The following CPVL variants were observed in gnomAD, a reference collection of about 807,000 sequenced individuals.
CPVL encodes probable serine carboxypeptidase CPVL.
A neutral mutation model predicts 63.7 loss-of-function variants in CPVL; 51 were observed. The observed-to-expected ratio is 0.80, with a 90% CI of 0.64 to 1.01. The LOEUF (loss-of-function observed/expected upper bound fraction) is 1.01. Among genes scored for constraint, CPVL ranks in the 50% least tolerant of loss-of-function variants. CPVL has a pLI of 0.00. For missense variants in CPVL, 530 were observed against 573.1 expected, an observed-to-expected ratio of 0.92 and a Z score of 0.77; for synonymous variants, 195 against 206.0, an observed-to-expected ratio of 0.95 and a Z score of 0.46.
intron 12 of CPVL, among the ~76,000 whole-genome samples, chr7:29,015,209 T>C (rs557907866): frequency 1.2e-3 from 182 of 152,322 alleles, no homozygotes; most frequent in Admixed American, 2.2e-3. Flanking sequence ...GAACAAGTAT[T>C]CTATGGTGGT....
chr7:29,136,059 A>G (rs948228972), intron 1 of CPVL, among the ~76,000 whole-genome samples: 2 of 152,220 alleles, frequency 1.3e-5, no homozygotes, highest in Admixed American at 6.5e-5. Flanking sequence ...CTAGGACTGA[A>G]GAGGGGAAGT....
At chr7:29,083,286 T>A (rs184830174) in intron 7 of CPVL, among the ~76,000 whole-genome samples, 1 of 152,250 alleles carries the variant, frequency 6.6e-6, no homozygotes, top group Non-Finnish European at 1.5e-5. Context: ...TCCTCTGGCA[T>A]CATCACTTGG....
At chr7:29,097,292 T>C (rs984708772) in intron 3 of CPVL, among the ~76,000 whole-genome samples, 2 of 152,258 alleles carry the variant, frequency 1.3e-5, no homozygotes, top group African/African-American at 2.4e-5. Context: ...GCACCCATTA[T>C]GGGCCAGGCA....
intron 9 of CPVL, among the ~76,000 whole-genome samples, chr7:29,069,770 ATGTGTGTGTG>A (rs70977102): frequency 0.075 from 9,864 of 132,162 alleles, 424 homozygotes; most frequent in African/African-American, 0.13. Context: ...TCACCAGTAA[ATGTGTGTGTG>A]TGTGTGTGTG....
At chr7:29,003,581 C>A (rs1784878017) in intron 12 of CPVL, among the ~76,000 whole-genome samples, 1 of 152,096 alleles carries the variant, frequency 6.6e-6, no homozygotes, top group South Asian at 2.1e-4. Context: ...TAAGGAGTAT[C>A]AATAATTAAT....
intron 1 of CPVL, among the ~76,000 whole-genome samples, chr7:29,135,791 C>A (rs753194922): frequency 6.6e-6 from 1 of 152,198 alleles, no homozygotes; most frequent in Non-Finnish European, 1.5e-5. Context: ...TTCTAGCTTG[C>A]AGGCTCAAGC....
chr7:29,111,043 T>C (rs1368347374), intron 3 of CPVL, among the ~76,000 whole-genome samples: 2 of 152,234 alleles, frequency 1.3e-5, no homozygotes, highest in African/African-American at 4.8e-5. Flanking sequence ...CTACTGGTCC[T>C]TGATTTCAGC....
Position 28,999,289 on chromosome 7 carries a change from C to T in CPVL, c.1321-3407G>A, listed in dbSNP as rs1054915039. 4.6e-5 allele frequency among the ~76,000 whole-genome samples: 7 copies of T among 152,148 alleles called. No homozygotes were observed. In the East Asian group the frequency reaches 1.2e-3, roughly 25 times the overall value. On this transcript the variant is annotated intron_variant, in intron 12 of 12. Transcript: ENST00000265394. ...AATACCTGAGCTCATTAAAAGAGAT[C>T]GTGAGGCATCACCTCCAGACTTTCC...
chr7:29,111,974 C>T (rs1394931363), intron 3 of CPVL, among the ~76,000 whole-genome samples: 1 of 152,220 alleles, frequency 6.6e-6, no homozygotes, highest in African/African-American at 2.4e-5. Context: ...TCCAGCAATA[C>T]CCGCAACAGC....
chr7:29,022,401 T>C (rs1342707490), intron 12 of CPVL, among the ~76,000 whole-genome samples: 1 of 152,074 alleles, frequency 6.6e-6, no homozygotes, highest in Non-Finnish European at 1.5e-5. Flanking sequence ...AAGATACCCA[T>C]TGCTACTACA....
At chr7:29,167,608 G>T (rs1436692014) in intron 5 of CPVL, among the ~76,000 whole-genome samples, 1 of 152,074 alleles carries the variant, frequency 6.6e-6, no homozygotes, top group Non-Finnish European at 1.5e-5. Context: ...TAAAGTAGTG[G>T]TACCAATTTA....
chr7:29,081,523 G>A (rs1239042314), intron 7 of CPVL: 1 of 152,160 alleles, frequency 6.6e-6, no homozygotes, highest in Non-Finnish European at 1.5e-5. Context: ...TTTTGCTGCT[G>A]TCCATATAAA....
intron 6 of CPVL, among the ~76,000 whole-genome samples, chr7:29,089,501 T>C (rs1174831495): frequency 6.6e-6 from 1 of 152,184 alleles, no homozygotes; most frequent in Non-Finnish European, 1.5e-5. Context: ...AGGTAGGGCT[T>C]GGACACTGGA....
At chr7:29,194,735 G>T (rs1783408143) in intron 1 of CPVL, 2 of 443,418 alleles carry the variant, frequency 4.5e-6, no homozygotes, top group Non-Finnish European at 7.7e-6. Flanking sequence ...GAGCGGGACG[G>T]AAACCACAAA....
chr7:29,153,209 G>A (rs966720604), intron 5 of CPVL, among the ~76,000 whole-genome samples: 2 of 152,182 alleles, frequency 1.3e-5, no homozygotes, highest in African/African-American at 4.8e-5. Context: ...TACATATCTA[G>A]ACATATGGTA....
chr7:29,081,766 A>G (rs1404520361), intron 7 of CPVL, among the ~76,000 whole-genome samples: 4 of 152,204 alleles, frequency 2.6e-5, no homozygotes, highest in African/African-American at 9.6e-5. Context: ...ATGAATGGTA[A>G]TAATAGTCAT....
At chr7:29,080,098 G>A (rs1784559415) in intron 7 of CPVL, among the ~76,000 whole-genome samples, 1 of 152,070 alleles carries the variant, frequency 6.6e-6, no homozygotes, top group African/African-American at 2.4e-5. Context: ...CATAGTACAG[G>A]GAGAGAAGGG....
At chr7:29,050,364 A>G (rs1365389822) in intron 11 of CPVL, among the ~76,000 whole-genome samples, 1 of 151,810 alleles carries the variant, frequency 6.6e-6, no homozygotes, top group Non-Finnish European at 1.5e-5. Context: ...AGTGACCAAC[A>G]AGAGAATCAA....
At chr7:29,173,100 C>A (rs1429920794) in intron 5 of CPVL, among the ~76,000 whole-genome samples, 1 of 148,308 alleles carries the variant, frequency 6.7e-6, no homozygotes, top group East Asian at 2.0e-4. Context: ...CAATGTACTC[C>A]AGCCTGGGTG....
Sources: allele counts gnomAD v4.1 joint callset (sites outside exome capture counted in the v4.1 genomes callset), GRCh38; gene constraint gnomAD v4.1.1; transcripts MANE v1.5; gene names NCBI Gene and HGNC (gene_info 2026-07-23, HGNC 2026-07-21).